The following PHACTR1 variants were observed in gnomAD, a reference collection of about 807,000 sequenced individuals.
The protein encoded by PHACTR1 is RPEL repeat containing 1.
PHACTR1 carries 16 observed loss-of-function variants against 69.2 expected under a neutral mutation model. The observed-to-expected ratio is 0.23, with a 90% CI of 0.16 to 0.35. PHACTR1 has a LOEUF of 0.35. Among genes scored for constraint, PHACTR1 ranks in the 10% least tolerant of loss-of-function variants. The probability of loss-of-function intolerance (pLI) is 1.00; values close to 1 mark genes in which losing one functional copy is unlikely to be tolerated. For synonymous variants in PHACTR1, 312 were observed against 284.5 expected (o/e 1.10, Z -0.97); for missense variants, 510 against 734.7 (o/e 0.69, Z 3.54).
At chr6:13,267,220 C>T (rs953366865) in intron 10 of PHACTR1, 1 of 152,242 alleles carries the variant, frequency 6.6e-6, no homozygotes, top group Non-Finnish European at 1.5e-5. Context: ...AATGTAGAAC[C>T]TGACACAGCA....
chr6:12,988,421 T>C (rs1796439832), intron 4 of PHACTR1, among the ~76,000 whole-genome samples: 1 of 152,196 alleles, frequency 6.6e-6, no homozygotes. Context: ...TAAATATTCA[T>C]AATGAAGTAT....
At chr6:12,830,097 GAAAGAAAGAAAGAAA>G (rs1777311693) in intron 4 of PHACTR1, among the ~76,000 whole-genome samples, 1 of 9,334 alleles carries the variant, frequency 1.1e-4, no homozygotes, top group Admixed American at 1.3e-3. Flanking sequence ...AGGAGGGAAA[GAAAGAAAGAAAGAAA>G]GAAAGAAAGA....
At chr6:13,195,559 C>G (rs1483061441) in intron 7 of PHACTR1, among the ~76,000 whole-genome samples, 1 of 151,782 alleles carries the variant, frequency 6.6e-6, no homozygotes, top group Non-Finnish European at 1.5e-5. Flanking sequence ...GAGTTTGAGA[C>G]CAGCCTGGCC....
At chr6:13,115,504 G>A (rs1342758148) in intron 5 of PHACTR1, among the ~76,000 whole-genome samples, 1 of 151,924 alleles carries the variant, frequency 6.6e-6, no homozygotes, top group Non-Finnish European at 1.5e-5. Flanking sequence ...GTCTTACTTA[G>A]CATTGGCCTG....
chr6:13,177,262 A>T (rs1761468160), intron 6 of PHACTR1, among the ~76,000 whole-genome samples: 1 of 149,304 alleles, frequency 6.7e-6, no homozygotes. Flanking sequence ...AAGTGAGAGG[A>T]TCACTTGAAC....
At chr6:13,198,020 TG>T (rs1348900960) in intron 7 of PHACTR1, among the ~76,000 whole-genome samples, 1 of 152,194 alleles carries the variant, frequency 6.6e-6, no homozygotes, top group African/African-American at 2.4e-5. Flanking sequence ...GCTAGTCCAT[TG>T]GCCACACTTT....
intron 4 of PHACTR1, among the ~76,000 whole-genome samples, chr6:12,876,377 T>C (rs1201895416): frequency 6.6e-6 from 1 of 152,244 alleles, no homozygotes; most frequent in Non-Finnish European, 1.5e-5. Context: ...TTAATATCAT[T>C]ATCATTCCCA....
At chr6:13,067,409 C>T (rs1808814864) in intron 5 of PHACTR1, among the ~76,000 whole-genome samples, 1 of 152,298 alleles carries the variant, frequency 6.6e-6, no homozygotes, top group South Asian at 2.1e-4. Context: ...TTCTTCTACA[C>T]ATAACAGTGA....
chr6:12,942,593 C>T (rs1006568976), intron 4 of PHACTR1, among the ~76,000 whole-genome samples: 2 of 151,908 alleles, frequency 1.3e-5, no homozygotes, highest in Non-Finnish European at 2.9e-5. Context: ...CAGGAGGCGG[C>T]AGGTTCAGTG....
chr6:13,195,880 T>G (rs561449017), intron 7 of PHACTR1, among the ~76,000 whole-genome samples: 1 of 152,150 alleles, frequency 6.6e-6, no homozygotes, highest in East Asian at 1.9e-4. Context: ...GGACCAACTT[T>G]AGAAGTCATC....
intron 4 of PHACTR1, among the ~76,000 whole-genome samples, chr6:12,972,952 A>G (rs553679003): frequency 2.6e-5 from 4 of 152,192 alleles, no homozygotes; most frequent in Admixed American, 2.6e-4. Flanking sequence ...CGGCTGGCCT[A>G]TATCACTCTA....
At chr6:12,944,187 G>A (rs1275896676) in intron 4 of PHACTR1, among the ~76,000 whole-genome samples, 3 of 152,184 alleles carry the variant, frequency 2.0e-5, no homozygotes, top group Admixed American at 2.0e-4. Context: ...GTGTGTCTGA[G>A]AATTAAGGCA....
At chr6:12,731,976 CTT>C (rs70987093) in intron 3 of PHACTR1, among the ~76,000 whole-genome samples, 19 of 141,858 alleles carry the variant, frequency 1.3e-4, no homozygotes, top group South Asian at 6.8e-4. Flanking sequence ...AAAGTTTTAC[CTT>C]TTTTTTTTTT....
chr6:12,855,019 C>T (rs1457843750), intron 4 of PHACTR1, among the ~76,000 whole-genome samples: 1 of 152,036 alleles, frequency 6.6e-6, no homozygotes, highest in Non-Finnish European at 1.5e-5. Flanking sequence ...ACAATTTGAC[C>T]CAGCAATCCC....
Position 12,866,080 on chromosome 6 carries a change from A to G in PHACTR1, c.250+116290A>G, listed in dbSNP as rs185382133. On this transcript the variant is annotated intron_variant, in intron 4 of 14. Coordinates refer to ENST00000332995, the MANE Select transcript of PHACTR1 (RefSeq NM_030948.6). Reference sequence around the variant, plus strand: ...TTTACAACTCTTTCAATTATGTTTTATATTGTATGGGGATAGGCATGGTAC... The same window carrying G: ...TTTACAACTCTTTCAATTATGTTTTGTATTGTATGGGGATAGGCATGGTAC... Among the ~76,000 whole-genome samples, 3 of 152,268 alleles carry G rather than the reference A, an allele frequency of 2.0e-5. No individual in the cohort carries two copies. The East Asian group carries it at 5.8e-4, about 29-fold the overall frequency.
chr6:12,745,638 T>C (rs1490664865), intron 3 of PHACTR1, among the ~76,000 whole-genome samples: 1 of 152,212 alleles, frequency 6.6e-6, no homozygotes, highest in Non-Finnish European at 1.5e-5. Flanking sequence ...TGGGTAGAAG[T>C]ATGGATGCCA....
chr6:12,840,803 T>G (rs1159763127), intron 4 of PHACTR1, among the ~76,000 whole-genome samples: 2 of 152,240 alleles, frequency 1.3e-5, no homozygotes, highest in Non-Finnish European at 2.9e-5. Flanking sequence ...CTCTTTTTGT[T>G]CAAATTTCCA....
intron 4 of PHACTR1, among the ~76,000 whole-genome samples, chr6:12,769,203 G>A (rs562664030): frequency 6.6e-5 from 10 of 152,156 alleles, no homozygotes; most frequent in Non-Finnish European, 1.5e-4. Context: ...ACAGCTGAAA[G>A]AGAAGACTTT....
At chr6:13,265,399 G>A (rs73359106) in intron 10 of PHACTR1, among the ~76,000 whole-genome samples, 3,804 of 152,226 alleles carry the variant, frequency 0.025, 133 homozygotes, top group East Asian at 0.088. Context: ...TGGCAGCTGG[G>A]GTACACCGGA....
Sources: allele counts gnomAD v4.1 joint callset (sites outside exome capture counted in the v4.1 genomes callset), GRCh38; gene constraint gnomAD v4.1.1; transcripts MANE v1.5; gene names NCBI Gene and HGNC (gene_info 2026-07-23, HGNC 2026-07-21).